Variants in CPNE9 observed in about 807,000 individuals in gnomAD.
The protein encoded by CPNE9 is copine family member 9.
In CPNE9, 59 loss-of-function variants were observed where a neutral mutation model predicts 83.0. That is an observed-to-expected ratio of 0.71 (90% CI 0.58 to 0.88). CPNE9 has a LOEUF of 0.88. Among genes scored for constraint, CPNE9 ranks in the 40% least tolerant of loss-of-function variants. CPNE9 has a pLI of 0.00. For missense variants in CPNE9, 619 were observed against 720.8 expected (o/e 0.86, Z 1.62); for synonymous variants, 256 against 273.4 (o/e 0.94, Z 0.63).
chr3:9,718,367 G>T, intron 16 of CPNE9, 108 bp from the exon 17 acceptor site: 1 of 1,481,092 alleles, frequency 6.8e-7, no homozygotes, highest in Non-Finnish European at 9.2e-7. Context: ...TGGGTTTGGA[G>T]GGGAGCATGA....
rs1445504635 is a variant in CPNE9, at chr3:9,715,867, T to TGTGCCTCCCATCAC, written c.823-99_823-86dup. ...CTGACTGGGGGAGCGGGTGGAATCA[T>TGTGCCTCCCATCAC]GTGCCTCCCATCACGTGCCTCTTTC... is the stretch of plus-strand genomic sequence containing the variant. On this transcript the variant is annotated intron_variant, in intron 13 of 20. Coordinates refer to ENST00000383832, the MANE Select transcript of CPNE9 (RefSeq NM_153635.3). 5 of 904,346 alleles carry TGTGCCTCCCATCAC rather than the reference T, an allele frequency of 5.5e-6. No homozygotes were observed. In the African/African-American group the frequency reaches 8.2e-5, roughly 15 times the overall value. The allele number at this position is 904,346 out of a possible 1,614,324, so 56.0% of individuals were successfully genotyped here.
chr3:9,706,083 G>T lies in CPNE9; in HGVS notation c.377+20G>T. The stretch of plus-strand genomic sequence containing the variant: ...CCTCACGTAAGCTGAATAGGAAGGG[G>T]TGTGGGAGTGGGGTGGGGGCTTCCA... On this transcript the variant is annotated intron_variant, in intron 7 of 20. Transcript: ENST00000383832. The T allele has an allele frequency of 6.2e-7, 1 of 1,611,476 alleles. No homozygotes were observed. The highest frequency in any genetic ancestry group is 1.1e-5 in the South Asian group (1 of 91,052).
chr3:9,704,766 C>A lies in CPNE9; in HGVS notation c.127C>A (p.Gln43Lys). The change falls in exon 3 of 21, where the codon CAG becomes AAG. Residue 43 changes from glutamine to lysine, a missense_variant. Coordinates refer to ENST00000383832, the MANE Select transcript of CPNE9 (RefSeq NM_153635.3). The surrounding 1 kb of genome is among the most constrained non-coding windows in gnomAD (Gnocchi z 7.1). ...ACCTGCAGTGGTGGTGCTTTACACG[C>A]AGAGCCGGGCCAGCCAGGAGTGGCG... ...KSDPMVVLYTQSRASQEWREF... is the reference protein window; with the variant it reads ...KSDPMVVLYTKSRASQEWREF... 1 of 1,612,094 alleles carries A rather than the reference C, an allele frequency of 6.2e-7. No individual in the cohort carries two copies. The highest frequency in any genetic ancestry group is 8.5e-7 in the Non-Finnish European group (1 of 1,179,516).
intron 10 of CPNE9, among the ~76,000 whole-genome samples, chr3:9,713,689 G>A (rs186800391): frequency 1.9e-4 from 29 of 152,226 alleles, no homozygotes; most frequent in Non-Finnish European, 2.1e-4. Context: ...ATGGATGAAC[G>A]GATGGATTTG....
intron 7 of CPNE9, among the ~76,000 whole-genome samples, chr3:9,709,522 C>T (rs1270153135): frequency 6.6e-6 from 1 of 151,192 alleles, no homozygotes; most frequent in Non-Finnish European, 1.5e-5. Flanking sequence ...GCGCCTGCCA[C>T]CGCGCCCAGC....
Position 9,704,645 on chromosome 3 carries a change from C to A in CPNE9, c.109+18C>A. On this transcript the variant is annotated intron_variant, in intron 2 of 20. Transcript: ENST00000383832. The surrounding 1 kb of genome is among the most constrained non-coding windows in gnomAD (Gnocchi z 7.1). ...CGACCCCAGTAGGCGGCTCCAGGAC[C>A]GGGAGGGGGAACTTGGGGTCTGGGC... The A allele has an allele frequency of 6.2e-7, 1 of 1,613,462 alleles. No homozygotes were observed. The highest frequency in any genetic ancestry group is 1.1e-5 in the South Asian group (1 of 91,070).
rs1270154168 is a variant in CPNE9 at position 9,716,101 on chromosome 3, G to C, written c.884+66G>C. ...AAATTACTCCCAGTTCTGAGCCCCA[G>C]GTTTCTTATTTATGAATGGTCAGGG... On this transcript the variant is annotated intron_variant, in intron 14 of 20. Coordinates refer to ENST00000383832, the MANE Select transcript of CPNE9 (RefSeq NM_153635.3). 7 of 1,430,642 alleles carry C rather than the reference G, an allele frequency of 4.9e-6. No individual in the cohort carries two copies. In the East Asian group the frequency reaches 1.6e-4, roughly 34 times the overall value. The allele number at this position is 1,430,642 out of a possible 1,614,324, so 88.6% of individuals were successfully genotyped here.
Position 9,713,023 on chromosome 3 carries a change from T to C in CPNE9, c.594T>C (p.Pro198=). ...AGGTTGTGAAAAACACGCTGAATCC[T>C]GTGTGGCAGCCCTTCAGCATCCCTG... The part of the protein sequence containing the change: ...KTEVVKNTLN[P]VWQPFSIPVR... Residue 198 remains proline (P), a synonymous_variant, in exon 10 of 21, where the codon CCT becomes CCC. Coordinates refer to ENST00000383832, the MANE Select transcript of CPNE9 (RefSeq NM_153635.3). 6.2e-7 allele frequency: 1 copy of C among 1,614,218 alleles called. No individual in the cohort carries two copies. The highest frequency in any genetic ancestry group is 8.5e-7 in the Non-Finnish European group (1 of 1,180,030).
intron 7 of CPNE9, 109 bp from the exon 8 acceptor site, chr3:9,712,432 G>A: frequency 1.2e-6 from 1 of 860,502 alleles, no homozygotes; most frequent in Non-Finnish European, 2.0e-6. Flanking sequence ...ACAAGGGACT[G>A]TCAGTAAATG....
chr3:9,717,270 A>G (rs1331580365), intron 15 of CPNE9, among the ~76,000 whole-genome samples, 166 bp downstream of exon 15: 1 of 152,212 alleles, frequency 6.6e-6, no homozygotes, highest in Non-Finnish European at 1.5e-5. Context: ...ATAGATGGGT[A>G]GATGGATCAT....
chr3:9,722,164 C>CT (rs879324311), intron 17 of CPNE9, among the ~76,000 whole-genome samples: 7 of 151,222 alleles, frequency 4.6e-5, no homozygotes, highest in African/African-American at 7.3e-5. Context: ...TGATCCACCC[C>CT]CCCCCGCCAC....
chr3:9,713,167 A>C, intron 10 of CPNE9, 88 bp downstream of exon 10: 1 of 1,015,264 alleles, frequency 9.8e-7, no homozygotes, highest in Non-Finnish European at 1.5e-6. Context: ...AAGTATCATA[A>C]TAGCGTTGGA....
At chr3:9,723,235 G>A (rs906367540) in intron 17 of CPNE9, among the ~76,000 whole-genome samples, 1 of 152,158 alleles carries the variant, frequency 6.6e-6, no homozygotes, top group Non-Finnish European at 1.5e-5. Context: ...ACTTTGGGAG[G>A]CCGAGGCGGG....
Position 9,703,938 on chromosome 3 carries a change from C to T in CPNE9, c.-59C>T, listed in dbSNP as rs986559077. ...GGGCCGGCCCCGCCGCTGCCGTCGCCCCTAGCCCCAGCAGCCCTGGTCTCG... is the reference window on the plus strand; with the variant it reads ...GGGCCGGCCCCGCCGCTGCCGTCGCTCCTAGCCCCAGCAGCCCTGGTCTCG... On this transcript the variant is annotated 5_prime_UTR_variant, in exon 1 of 21. Coordinates refer to ENST00000383832, the MANE Select transcript of CPNE9 (RefSeq NM_153635.3). 1.8e-5 allele frequency: 26 copies of T among 1,451,634 alleles called. No individual in the cohort carries two copies. The African/African-American group carries it at 2.7e-4, about 15-fold the overall frequency. The allele number at this position is 1,451,634 out of a possible 1,614,324, so 89.9% of individuals were successfully genotyped here. A position where few individuals can be genotyped will look rare whatever the true frequency, so the allele number is the denominator to read the frequency against.
At chr3:9,712,434 C>T (rs1319213098) in intron 7 of CPNE9, 107 bp from the exon 8 acceptor site, 2 of 869,156 alleles carry the variant, frequency 2.3e-6, no homozygotes, top group Non-Finnish European at 3.9e-6. Flanking sequence ...AAGGGACTGT[C>T]AGTAAATGGC....
intron 17 of CPNE9, among the ~76,000 whole-genome samples, 194 bp from the exon 18 acceptor site, chr3:9,725,755 G>A (rs1373659988): frequency 6.9e-6 from 1 of 144,366 alleles, no homozygotes; most frequent in African/African-American, 2.7e-5. Flanking sequence ...ATATATGTGT[G>A]TGTATATATA....
intron 17 of CPNE9, among the ~76,000 whole-genome samples, chr3:9,723,258 G>C (rs1237641670): frequency 6.6e-6 from 1 of 152,098 alleles, no homozygotes; most frequent in Non-Finnish European, 1.5e-5. Flanking sequence ...GATCACTTGA[G>C]GTCAGGAGTT....
At chr3:9,710,503 G>A (rs1435816899) in intron 7 of CPNE9, among the ~76,000 whole-genome samples, 2 of 152,184 alleles carry the variant, frequency 1.3e-5, no homozygotes, top group African/African-American at 4.8e-5. Context: ...GAGAAAGAAG[G>A]AGTGAAACTG....
rs2076553930 is a variant in CPNE9, at chr3:9,705,492, T to C, written c.289T>C (p.Ser97Pro). 7.5e-7 allele frequency: 1 copy of C among 1,331,432 alleles called. No homozygotes were observed. The highest frequency in any genetic ancestry group is 4.9e-5 in the East Asian group (1 of 20,538). 82.5% of individuals were successfully genotyped at this position (1,331,432 alleles called of 1,614,324 possible). Residue 97 changes from serine (S) to proline (P), a missense_variant, in exon 5 of 21, where the codon TCC becomes CCC. Around this residue, in one of 3 missense-constraint regions of CPNE9, gnomAD observed 438 missense variants for 562.9 expected, o/e 0.78. Coordinates refer to ENST00000383832, the MANE Select transcript of CPNE9 (RefSeq NM_153635.3). Reference sequence around the variant, plus strand: ...CAACGTGGACTCCAAAACCAACATCTCCAAACCGGTGAGCAAACGTTTCCT... The same window carrying C: ...CAACGTGGACTCCAAAACCAACATCCCCAAACCGGTGAGCAAACGTTTCCT... ...VYNVDSKTNISKPKDFLGQAF... is the reference protein window; with the variant it reads ...VYNVDSKTNIPKPKDFLGQAF...
Sources: gnomAD v4.1 joint callset for allele counts (sites outside exome capture counted in the v4.1 genomes callset) on GRCh38, gnomAD v4.1.1 for gene constraint, gnomAD v4.1.1 regional missense constraint, Gnocchi (gnomAD v3.1) non-coding constraint, MANE v1.5 for transcripts, NCBI Gene and HGNC (gene_info 2026-07-23, HGNC 2026-07-21) for gene names.